The following TENM2 variants were observed in gnomAD, a reference collection of about 807,000 sequenced individuals.
TENM2 encodes the protein teneurin transmembrane protein 2.
In TENM2, 52 loss-of-function variants were observed where a neutral mutation model predicts 245.2. That is an observed-to-expected ratio of 0.21 (90% CI 0.17 to 0.27). The LOEUF is 0.27. Among genes scored for constraint, TENM2 ranks in the 10% least tolerant of loss-of-function variants. The pLI, the probability that TENM2 is intolerant of heterozygous loss-of-function variation, is 1.00. For synonymous variants in TENM2, 1,363 were observed against 1,438.9 expected, an observed-to-expected ratio of 0.95 and a Z score of 1.19; for missense variants, 3,046 against 3,666.8, an observed-to-expected ratio of 0.83 and a Z score of 4.37.
the TENM2 span, among the ~76,000 whole-genome samples, chr5:167,180,103 C>CTTTTTTTTTTTTTTTTTTT: frequency 3.2e-4 from 37 of 114,956 alleles, 2 homozygotes; most frequent in African/African-American, 1.6e-3. Context: ...TAAGTGCTTC[C>CTTTTTTTTTTTTTTTTTTT]TTTTTTTTTT....
At chr5:167,671,197 A>G (rs1482975985) in intron 2 of TENM2, among the ~76,000 whole-genome samples, 1 of 152,164 alleles carries the variant, frequency 6.6e-6, no homozygotes, top group Non-Finnish European at 1.5e-5. Context: ...GTGCTTTATG[A>G]GGATAATGTG....
chr5:167,497,929 G>A (rs948627193), intron 2 of TENM2, among the ~76,000 whole-genome samples: 2 of 151,806 alleles, frequency 1.3e-5, no homozygotes, highest in African/African-American at 4.8e-5. Context: ...TTCCTCGCTC[G>A]CTTCTGATAT....
At chr5:167,429,333 CA>C (rs1486112363) in intron 2 of TENM2, among the ~76,000 whole-genome samples, 8 of 152,082 alleles carry the variant, frequency 5.3e-5, no homozygotes, top group African/African-American at 1.9e-4. Context: ...CTATGTTTCT[CA>C]AAAGATTGTT....
chr5:167,757,258 C>T (rs1365960231), intron 2 of TENM2, among the ~76,000 whole-genome samples: 1 of 145,040 alleles, frequency 6.9e-6, no homozygotes, highest in African/African-American at 2.5e-5. Flanking sequence ...CACCCCCCAA[C>T]AGGCCCCACT....
chr5:167,196,110 G>A, the TENM2 span, among the ~76,000 whole-genome samples: 5 of 151,968 alleles, frequency 3.3e-5, no homozygotes, highest in Non-Finnish European at 7.4e-5. Flanking sequence ...TACACACGTA[G>A]GTTATATGGT....
chr5:167,852,691 G>A (rs1042803576), intron 2 of TENM2, among the ~76,000 whole-genome samples: 2 of 152,128 alleles, frequency 1.3e-5, no homozygotes, highest in African/African-American at 4.8e-5. Context: ...CTGAGTATGA[G>A]TCTTCTAGGA....
At chr5:167,690,609 TG>T (rs1273310657) in intron 2 of TENM2, among the ~76,000 whole-genome samples, 1 of 152,192 alleles carries the variant, frequency 6.6e-6, no homozygotes, top group Admixed American at 6.5e-5. Context: ...TTTTTTCATC[TG>T]TAAAGAAAGG....
chr5:168,194,460 TAGGATTTCAAAACCCTTCAAGATAGC>T (rs1761211968), intron 14 of TENM2, among the ~76,000 whole-genome samples: 1 of 152,098 alleles, frequency 6.6e-6, no homozygotes, highest in South Asian at 2.1e-4. Context: ...AATAAATTGG[TAGGATTTCAAAACCCTTCAAGATAGC>T]AGGAATTCGA....
At chr5:168,100,464 G>A (rs932855008) in intron 9 of TENM2, among the ~76,000 whole-genome samples, 23 of 152,132 alleles carry the variant, frequency 1.5e-4, no homozygotes, top group Non-Finnish European at 2.4e-4. Context: ...ATTCACAATA[G>A]CAAAGACTTG....
At chr5:167,654,810 T>C (rs573048782) in intron 2 of TENM2, among the ~76,000 whole-genome samples, 3 of 152,266 alleles carry the variant, frequency 2.0e-5, no homozygotes, top group African/African-American at 7.2e-5. Context: ...CATAGCTCAG[T>C]GTCTGTTGTG....
intron 13 of TENM2, among the ~76,000 whole-genome samples, chr5:168,188,403 G>C (rs888698747): frequency 6.6e-6 from 1 of 152,088 alleles, no homozygotes; most frequent in African/African-American, 2.4e-5. Flanking sequence ...TATTCAATCC[G>C]CTCCCAGCCG....
At chr5:167,039,576 C>T in the TENM2 span, among the ~76,000 whole-genome samples, 1 of 150,896 alleles carries the variant, frequency 6.6e-6, no homozygotes, top group Non-Finnish European at 1.5e-5. Context: ...ATTTTGCTTT[C>T]CTTTCTGGTT....
chr5:168,196,523 G>T (rs752569995), intron 15 of TENM2, among the ~76,000 whole-genome samples: 1 of 152,094 alleles, frequency 6.6e-6, no homozygotes, highest in Non-Finnish European at 1.5e-5. Context: ...GTGCAATGGC[G>T]CAATCTCGGC....
In TENM2 at chr5:168,025,247, G is replaced by A. The variant is rs561749467; in HGVS notation, c.1187-22180G>A. On this transcript the variant is annotated intron_variant, in intron 5 of 28. Coordinates refer to ENST00000518659, the Ensembl canonical transcript of TENM2. ...GTGATCAGGTTTCTGAAACAATTTT[G>A]AGGAAGCCAAACAAATACAGGCCCT... Among the ~76,000 whole-genome samples, 52 of 152,294 alleles carry A rather than the reference G, an allele frequency of 3.4e-4. No individual in the cohort carries two copies. The East Asian group carries it at 3.5e-3, about 10-fold the overall frequency.
intron 2 of TENM2, among the ~76,000 whole-genome samples, chr5:167,430,491 C>T (rs950310503): frequency 6.6e-6 from 1 of 152,112 alleles, no homozygotes; most frequent in Non-Finnish European, 1.5e-5. Context: ...TGACAATTTT[C>T]TCTGAGATTC....
At chr5:167,055,464 T>G in the TENM2 span, among the ~76,000 whole-genome samples, 1 of 152,072 alleles carries the variant, frequency 6.6e-6, no homozygotes, top group Admixed American at 6.5e-5. Flanking sequence ...ATATTTTGAT[T>G]GGGATTGTTT....
At chr5:167,034,723 T>C in the TENM2 span, among the ~76,000 whole-genome samples, 1 of 152,066 alleles carries the variant, frequency 6.6e-6, no homozygotes, top group African/African-American at 2.4e-5. Flanking sequence ...AATTGGTTTT[T>C]CCAAGAGACT....
chr5:167,370,341 C>CAAAAAA (rs35067759), intron 1 of TENM2, among the ~76,000 whole-genome samples: 5 of 73,496 alleles, frequency 6.8e-5, no homozygotes, highest in Non-Finnish European at 9.3e-5. Flanking sequence ...GACTCCGTCT[C>CAAAAAA]AAAAAAAAAA....
At chr5:167,116,949 A>G in the TENM2 span, among the ~76,000 whole-genome samples, 1 of 152,204 alleles carries the variant, frequency 6.6e-6, no homozygotes, top group African/African-American at 2.4e-5. Flanking sequence ...TGTAGTTTGC[A>G]TGGTGATGAA....
Sources: allele counts gnomAD v4.1 joint callset (sites outside exome capture counted in the v4.1 genomes callset), GRCh38; gene constraint gnomAD v4.1.1; transcripts MANE v1.5; gene names NCBI Gene and HGNC (gene_info 2026-07-23, HGNC 2026-07-21).